Variants in UBXN2A observed in about 807,000 individuals in gnomAD.
UBXN2A encodes UBX domain-containing protein 2A.
Under a neutral mutation model 28.4 loss-of-function variants are expected in UBXN2A, and 28 were observed. That is an observed-to-expected ratio of 0.99 (90% CI 0.73 to 1.35). The LOEUF is 1.35. Ranked by LOEUF, UBXN2A falls within the 40% of genes most tolerant of loss-of-function variation. The pLI, the probability that UBXN2A is intolerant of heterozygous loss-of-function variation, is 0.00. For synonymous variants in UBXN2A, 97 were observed against 103.6 expected (o/e 0.94, Z 0.39); for missense variants, 253 against 297.9 (o/e 0.85, Z 1.11).
In UBXN2A at chr2:24,000,363, GA is replaced by G. The variant is rs1471222888; in HGVS notation, c.*499del. 4 of 152,628 alleles carry G rather than the reference GA, an allele frequency of 2.6e-5. No homozygotes were observed. The highest frequency in any genetic ancestry group is 9.6e-5 in the African/African-American group (4 of 41,560). 9.5% of individuals were successfully genotyped at this position (152,628 alleles called of 1,614,324 possible). On this transcript the variant is annotated 3_prime_UTR_variant, in exon 7 of 7. Coordinates refer to ENST00000309033, the MANE Select transcript of UBXN2A (RefSeq NM_181713.4). ...TTGAGACCATCCTGGCAAACATGGT[GA>G]AACCCCATCTCTAGTAAAAATACAA... is the stretch of plus-strand genomic sequence containing the variant.
intron 4 of UBXN2A, chr2:23,977,369 G>A (rs377601531): frequency 3.2e-5 from 6 of 189,826 alleles, no homozygotes; most frequent in African/African-American, 1.4e-4. Context: ...GGGTGGGCTT[G>A]GTGGCTCATG....
At chr2:23,971,685 T>C (rs1231879864) in intron 3 of UBXN2A, among the ~76,000 whole-genome samples, 1 of 151,700 alleles carries the variant, frequency 6.6e-6, no homozygotes, top group African/African-American at 2.4e-5. Flanking sequence ...AGACGGGGTC[T>C]TGCTTTGTTG....
At chr2:23,956,406 G>A (rs935947766) in intron 1 of UBXN2A, among the ~76,000 whole-genome samples, 23 of 152,024 alleles carry the variant, frequency 1.5e-4, no homozygotes, top group African/African-American at 5.3e-4. Context: ...GAGTTGGAGT[G>A]CAGTGGCGCA....
At chr2:23,952,203 G>T (rs542149802) in intron 1 of UBXN2A, among the ~76,000 whole-genome samples, 4 of 152,158 alleles carry the variant, frequency 2.6e-5, no homozygotes, top group Admixed American at 6.6e-5. Context: ...CTGACCTCAG[G>T]TGATCCACCT....
At chr2:23,985,835 A>C (rs1462295278) in intron 6 of UBXN2A, among the ~76,000 whole-genome samples, 1 of 152,112 alleles carries the variant, frequency 6.6e-6, no homozygotes, top group African/African-American at 2.4e-5. Flanking sequence ...GTGTCTACAA[A>C]AAAATTTTTT....
upstream of UBXN2A, among the ~76,000 whole-genome samples, chr2:23,937,630 A>G (rs1705567406): frequency 2.0e-5 from 3 of 152,364 alleles, 1 homozygote; most frequent in African/African-American, 7.2e-5. Context: ...TAAAAAGGAA[A>G]TAAATCAACT....
At chr2:23,958,244 T>C (rs2150834485) in intron 1 of UBXN2A, 57 bp from the exon 2 acceptor site, 2 of 1,438,004 alleles carry the variant, frequency 1.4e-6, no homozygotes, top group South Asian at 2.7e-5. Flanking sequence ...CATGGTAACT[T>C]ACATATTAAG....
intron 6 of UBXN2A, 137 bp from the exon 7 acceptor site, chr2:23,999,535 C>T: frequency 1.1e-6 from 1 of 921,162 alleles, no homozygotes; most frequent in Non-Finnish European, 1.6e-6. Context: ...GGCACCACTG[C>T]ACTGCATCCT....
intron 1 of UBXN2A, among the ~76,000 whole-genome samples, chr2:23,954,023 T>C (rs1166008687): frequency 6.6e-6 from 1 of 152,212 alleles, no homozygotes; most frequent in African/African-American, 2.4e-5. Flanking sequence ...TTTTTTCTTT[T>C]TGTTTTAAGA....
chr2:23,977,171 C>A, intron 4 of UBXN2A, 96 bp downstream of exon 4: 1 of 907,128 alleles, frequency 1.1e-6, no homozygotes, highest in South Asian at 1.5e-5. Flanking sequence ...CAAGGCCAGC[C>A]GGGGAACATA....
chr2:23,999,693 C>G lies in UBXN2A; in HGVS notation c.606C>G (p.Phe202Leu), dbSNP rs1417464902. Reference sequence around the variant, plus strand: ...ACAGAGTAAGCCATATCAAAGACTTCATTGAAAAATACCAAGGATCTCAAA... The same window carrying G: ...ACAGAGTAAGCCATATCAAAGACTTGATTGAAAAATACCAAGGATCTCAAA... ...ITHRVSHIKD[F>L]IEKYQGSQRS... Residue 202 changes from phenylalanine (F) to leucine (L), a missense_variant, in exon 7 of 7, where the codon TTC (phenylalanine) becomes TTG (leucine). Phe to Leu is a conservative substitution (Grantham distance 22). Transcript: ENST00000309033. 6.2e-7 allele frequency: 1 copy of G among 1,613,604 alleles called. No individual in the cohort carries two copies. Among genetic ancestry groups the G allele is most frequent in the East Asian group, 2.2e-5 (1 of 44,896 alleles).
intron 1 of UBXN2A, among the ~76,000 whole-genome samples, chr2:23,954,932 T>C (rs902742748): frequency 3.7e-4 from 31 of 82,672 alleles, no homozygotes; most frequent in African/African-American, 1.4e-3. Flanking sequence ...CTTGCCTACC[T>C]TTTTTTTTTT....
intron 6 of UBXN2A, among the ~76,000 whole-genome samples, chr2:23,989,551 C>A (rs551482410): frequency 7.4e-4 from 113 of 151,818 alleles, no homozygotes; most frequent in Non-Finnish European, 1.5e-3. Flanking sequence ...CCACACCCGG[C>A]CTTATTTCTA....
At chr2:23,976,683 C>T (rs1317626746) in intron 3 of UBXN2A, among the ~76,000 whole-genome samples, 5 of 152,094 alleles carry the variant, frequency 3.3e-5, no homozygotes, top group African/African-American at 7.2e-5. Context: ...CCACAACACA[C>T]GGGAATTCTG....
At chr2:23,935,442 G>A (rs911035281) in intron 1 of UBXN2A, among the ~76,000 whole-genome samples, 1 of 151,958 alleles carries the variant, frequency 6.6e-6, no homozygotes, top group African/African-American at 2.4e-5. Flanking sequence ...TTAAATAGGC[G>A]TTTCTCCAAA....
chr2:23,962,848 G>A (rs1018872674), intron 2 of UBXN2A, among the ~76,000 whole-genome samples: 1 of 152,022 alleles, frequency 6.6e-6, no homozygotes, highest in East Asian at 1.9e-4. Flanking sequence ...GACCTCAGGT[G>A]ATCCACCCGC....
chr2:23,940,749 C>T (rs1448573404), intron 1 of UBXN2A, 101 bp downstream of exon 1: 1 of 151,892 alleles, frequency 6.6e-6, no homozygotes, highest in Non-Finnish European at 1.5e-5. Flanking sequence ...GGCTTGGCCG[C>T]CGCGGATCGT....
chr2:23,963,674 G>A (rs1359958795), intron 2 of UBXN2A, among the ~76,000 whole-genome samples: 1 of 152,104 alleles, frequency 6.6e-6, no homozygotes, highest in African/African-American at 2.4e-5. Context: ...GGAGAAAAGA[G>A]AACCCTTGAA....
intron 3 of UBXN2A, among the ~76,000 whole-genome samples, chr2:23,971,647 C>G (rs1707427391): frequency 6.6e-6 from 1 of 152,072 alleles, no homozygotes; most frequent in African/African-American, 2.4e-5. Context: ...CACCACCATG[C>G]CCAGCTAATT....
Sources: allele counts gnomAD v4.1 joint callset (sites outside exome capture counted in the v4.1 genomes callset), GRCh38; gene constraint gnomAD v4.1.1; transcripts MANE v1.5; gene names NCBI Gene and HGNC (gene_info 2026-07-23, HGNC 2026-07-21).